The following CAPN7 variants were observed in gnomAD, a reference collection of about 807,000 sequenced individuals.
CAPN7 encodes the protein calpain-7.
CAPN7 carries 72 observed loss-of-function variants against 115.2 expected under a neutral mutation model. That is an observed-to-expected ratio of 0.63 (90% CI 0.52 to 0.76). CAPN7 has a LOEUF of 0.76. Ranked by LOEUF, CAPN7 falls within the 30% of genes least tolerant of loss-of-function variation. CAPN7 has a pLI of 0.00. For synonymous variants in CAPN7, 344 were observed against 322.3 expected, an observed-to-expected ratio of 1.07 and a Z score of -0.72; for missense variants, 905 against 971.5, an observed-to-expected ratio of 0.93 and a Z score of 0.91.
At chr3:15,240,367 AG>A in intron 12 of CAPN7, 105 bp from the exon 13 acceptor site, 1 of 1,008,368 alleles carries the variant, frequency 9.9e-7, no homozygotes, top group South Asian at 1.5e-5. Flanking sequence ...AGTTGATTTG[AG>A]GGGAAAAGAA....
At chr3:15,247,129 T>C in intron 18 of CAPN7, 198 bp from the exon 19 acceptor site, 1 of 573,304 alleles carries the variant, frequency 1.7e-6, no homozygotes, top group Non-Finnish European at 3.0e-6. Flanking sequence ...ACAACTTGAT[T>C]AGAGGCTAAG....
chr3:15,242,777 A>G (rs1695427426), intron 16 of CAPN7, among the ~76,000 whole-genome samples: 1 of 152,196 alleles, frequency 6.6e-6, no homozygotes, highest in Non-Finnish European at 1.5e-5. Flanking sequence ...TAATGCACAT[A>G]GTTAAGGTCC....
rs1028228191 is a variant in CAPN7, at chr3:15,252,772, G to T, written c.*1512G>T. On this transcript the variant is annotated 3_prime_UTR_variant, in exon 21 of 21. Coordinates refer to ENST00000253693, the MANE Select transcript of CAPN7 (RefSeq NM_014296.3). ...TTTGGCTGGACCAATATAAAAAATT[G>T]TATTTGAAGAATTGATACTTTAACT... is the stretch of plus-strand genomic sequence containing the variant. 1 of 148,708 alleles carries T rather than the reference G, an allele frequency of 6.7e-6. No individual in the cohort carries two copies. Among genetic ancestry groups the T allele is most frequent in the Non-Finnish European group, 1.5e-5 (1 of 68,026 alleles). The allele number at this position is 148,708 out of a possible 1,614,324, so 9.2% of individuals were successfully genotyped here.
intron 12 of CAPN7, among the ~76,000 whole-genome samples, chr3:15,237,328 A>T (rs984565505): frequency 1.3e-5 from 2 of 152,338 alleles, no homozygotes; most frequent in African/African-American, 4.8e-5. Context: ...GATTATCAGG[A>T]TGTCAATTGG....
chr3:15,238,556 G>T (rs1326143231), intron 12 of CAPN7, among the ~76,000 whole-genome samples: 3 of 152,120 alleles, frequency 2.0e-5, no homozygotes, highest in Non-Finnish European at 2.9e-5. Context: ...CACTTAAAGA[G>T]ATTTTCAATA....
intron 6 of CAPN7, among the ~76,000 whole-genome samples, chr3:15,224,265 A>ATT (rs113901975): frequency 6.9e-6 from 1 of 145,194 alleles, no homozygotes; most frequent in Non-Finnish European, 1.5e-5. Flanking sequence ...GATGTCCCAA[A>ATT]TTTTTTTTTT....
intron 19 of CAPN7, among the ~76,000 whole-genome samples, chr3:15,249,278 A>G (rs1575258600): frequency 1.3e-5 from 2 of 152,272 alleles, no homozygotes; most frequent in Middle Eastern, 3.4e-3. Flanking sequence ...GTTCATTACA[A>G]TATTGTTTAT....
At chr3:15,209,620 G>T (rs2044823857) in intron 1 of CAPN7, among the ~76,000 whole-genome samples, 1 of 152,066 alleles carries the variant, frequency 6.6e-6, no homozygotes, top group Admixed American at 6.5e-5. Flanking sequence ...AGAGAGTTTT[G>T]GTGCATTTCA....
intron 6 of CAPN7, among the ~76,000 whole-genome samples, chr3:15,227,109 TAA>T (rs61571165): frequency 7.0e-4 from 90 of 128,230 alleles, no homozygotes; most frequent in Admixed American, 1.7e-3. Context: ...CCTCAACTGT[TAA>T]AAAAAAAAAA....
rs758632330 is a variant in CAPN7 at position 15,220,789 on chromosome 3, C to T, written c.446C>T (p.Ala149Val). The change falls in exon 5 of 21, where the codon GCG becomes GTG. Residue 149 changes from alanine to valine, a missense_variant. Ala to Val is a moderately conservative substitution (Grantham distance 64). Around this residue, in one of 3 missense-constraint regions of CAPN7, gnomAD observed 271 missense variants for 239.6 expected, o/e 1.13. Coordinates refer to ENST00000253693, the MANE Select transcript of CAPN7 (RefSeq NM_014296.3). Reference protein sequence around the residue: ...LARQALDRAEALSEPLTKPVG... With the variant: ...LARQALDRAEVLSEPLTKPVG... ...GTTCCTCTCTGTTATAGAGCAGAAGCGCTGAGTGAGCCTTTGACCAAGCCA... is the reference window on the plus strand; with the variant it reads ...GTTCCTCTCTGTTATAGAGCAGAAGTGCTGAGTGAGCCTTTGACCAAGCCA... The T allele has an allele frequency of 2.2e-5, 35 of 1,613,966 alleles. No homozygotes were observed. The highest frequency in any genetic ancestry group is 8.0e-5 in the African/African-American group (6 of 74,920).
At chr3:15,232,209 T>C in intron 9 of CAPN7, 1 of 350,906 alleles carries the variant, frequency 2.8e-6, no homozygotes, top group South Asian at 2.4e-5. Context: ...TCTTGGATTT[T>C]GGAGCATTTC....
Position 15,217,425 on chromosome 3 carries a change from T to G in CAPN7, c.212T>G (p.Val71Gly). The G allele has an allele frequency of 6.2e-7, 1 of 1,608,390 alleles. No individual in the cohort carries two copies. The highest frequency in any genetic ancestry group is 8.5e-7 in the Non-Finnish European group (1 of 1,177,720). The change falls in exon 3 of 21, where the codon GTT becomes GGT. Residue 71 changes from valine (V) to glycine (G), a missense_variant and splice_region_variant. Coordinates refer to ENST00000253693, the MANE Select transcript of CAPN7 (RefSeq NM_014296.3). ...LERVQALHSA[V>G]QSKSADPLKS... ...CTGCGTATTTTTTTTTCTATCCTAGTTCAGTCAAAGAGTGCTGATCCTTTG... is the reference window on the plus strand; with the variant it reads ...CTGCGTATTTTTTTTTCTATCCTAGGTCAGTCAAAGAGTGCTGATCCTTTG...
intron 10 of CAPN7, 82 bp downstream of exon 10, chr3:15,232,747 CTTTT>C (rs1694767662): frequency 8.1e-7 from 1 of 1,235,918 alleles, no homozygotes; most frequent in South Asian, 1.7e-5. Context: ...TCTAGATAGT[CTTTT>C]TGTTTATAGG....
intron 5 of CAPN7, 69 bp downstream of exon 5, chr3:15,221,050 A>G: frequency 8.1e-7 from 1 of 1,235,940 alleles, no homozygotes; most frequent in South Asian, 1.3e-5. Flanking sequence ...TATTTTCATT[A>G]GGTTTGCTGA....
intron 10 of CAPN7, among the ~76,000 whole-genome samples, chr3:15,233,545 A>G (rs1411707809): frequency 1.3e-5 from 2 of 152,262 alleles, no homozygotes; most frequent in Admixed American, 6.5e-5. Context: ...CATGAGGAAC[A>G]TCATTGCAAG....
intron 2 of CAPN7, among the ~76,000 whole-genome samples, chr3:15,212,485 T>G (rs558776718): frequency 2.0e-5 from 3 of 152,332 alleles, no homozygotes; most frequent in African/African-American, 7.2e-5. Context: ...AATTTATCAT[T>G]GGCAAAGTTA....
At position 15,228,910 on chromosome 3, in the gene CAPN7, TA is replaced by T; in HGVS notation, c.853-63del. The T allele has an allele frequency of 2.5e-6, 3 of 1,194,614 alleles. No homozygotes were observed. In the South Asian group the frequency reaches 3.8e-5, roughly 15 times the overall value. 74.0% of individuals were successfully genotyped at this position (1,194,614 alleles called of 1,614,324 possible). A position where few individuals can be genotyped will look rare whatever the true frequency, so the allele number is the denominator to read the frequency against. On this transcript the variant is annotated intron_variant, in intron 7 of 20. Coordinates refer to ENST00000253693, the MANE Select transcript of CAPN7 (RefSeq NM_014296.3). ...AAGTAGGTACTTGGGGCAATGTACG[TA>T]TATTGCGGTAATGTTGAAATTACGT... is the stretch of plus-strand genomic sequence containing the variant.
chr3:15,211,590 C>CAA (rs200130864), intron 1 of CAPN7, among the ~76,000 whole-genome samples: 44 of 141,474 alleles, frequency 3.1e-4, no homozygotes, highest in African/African-American at 7.5e-4. Flanking sequence ...TTGAAAAAGC[C>CAA]AAAAAAAAAA....
intron 7 of CAPN7, 152 bp downstream of exon 7, chr3:15,228,117 C>T (rs907728457): frequency 2.1e-6 from 1 of 471,380 alleles, no homozygotes; most frequent in Non-Finnish European, 3.5e-6. Flanking sequence ...TTGACTGAAA[C>T]ATACTGAGAT....
Sources: gnomAD v4.1 joint callset for allele counts (sites outside exome capture counted in the v4.1 genomes callset) on GRCh38, gnomAD v4.1.1 for gene constraint, gnomAD v4.1.1 regional missense constraint, MANE v1.5 for transcripts, NCBI Gene and HGNC (gene_info 2026-07-23, HGNC 2026-07-21) for gene names.